SH2D4A: variants seen among roughly 807,000 people sequenced by gnomAD.
SH2D4A encodes the protein SH2 domain-containing protein 4A.
A neutral mutation model predicts 64.7 loss-of-function variants in SH2D4A; 70 were observed. That is an observed-to-expected ratio of 1.08 (90% CI 0.89 to 1.32). The LOEUF is 1.32. Ranked by LOEUF, SH2D4A falls within the 40% of genes most tolerant of loss-of-function variation. The pLI, the probability that SH2D4A is intolerant of heterozygous loss-of-function variation, is 0.00. For synonymous variants in SH2D4A, 268 were observed against 200.7 expected (o/e 1.34, Z -2.83); for missense variants, 706 against 540.1 (o/e 1.31, Z -3.04).
intron 4 of SH2D4A, among the ~76,000 whole-genome samples, chr8:19,352,598 A>G (rs75582741): frequency 2.6e-5 from 4 of 152,210 alleles, no homozygotes; most frequent in African/African-American, 9.6e-5. Flanking sequence ...TGATGACCGT[A>G]GTGGCTGTTA....
chr8:19,383,791 T>G (rs1485343572), intron 8 of SH2D4A, among the ~76,000 whole-genome samples: 1 of 152,196 alleles, frequency 6.6e-6, no homozygotes, highest in Non-Finnish European at 1.5e-5. Context: ...TTGAATGCCC[T>G]AGTCTTTAAT....
At chr8:19,367,261 T>C (rs2139768) in intron 7 of SH2D4A, among the ~76,000 whole-genome samples, 35,005 of 152,170 alleles carry the variant, frequency 0.23, 4,846 homozygotes, top group Non-Finnish European at 0.32. Flanking sequence ...CCTTTTGACG[T>C]AGACCCAGTA....
chr8:19,382,572 A>C (rs908767049), intron 8 of SH2D4A, among the ~76,000 whole-genome samples: 2 of 152,144 alleles, frequency 1.3e-5, no homozygotes, highest in Non-Finnish European at 2.9e-5. Flanking sequence ...GACCATGTTT[A>C]AGGTAGGCTA....
intron 4 of SH2D4A, among the ~76,000 whole-genome samples, chr8:19,354,221 G>A (rs576504595): frequency 3.3e-5 from 5 of 151,788 alleles, no homozygotes; most frequent in South Asian, 2.1e-4. Flanking sequence ...GACGGGTCTC[G>A]AACTCCTGAC....
At chr8:19,319,793 T>C (rs1360113815) in intron 2 of SH2D4A, 65 bp downstream of exon 2, 1 of 1,452,562 alleles carries the variant, frequency 6.9e-7, no homozygotes, top group Admixed American at 2.8e-5. Context: ...GCTTTGACAA[T>C]TTCACACTAG....
chr8:19,360,537 C>A (rs7001652), intron 5 of SH2D4A, among the ~76,000 whole-genome samples: 4 of 152,128 alleles, frequency 2.6e-5, no homozygotes, highest in East Asian at 1.9e-4. Flanking sequence ...TCGCTTGAAC[C>A]TGGGAGGCAG....
In SH2D4A at chr8:19,345,411, G is replaced by A. The variant is rs571662288; in HGVS notation, c.513+10554G>A. On this transcript the variant is annotated intron_variant, in intron 4 of 9. Transcript: ENST00000265807. ...CTTATCACTACTAGCTGTCAAGAAG[G>A]GTTGCCATACCGTTTCAGCGAATAA... 1.1e-3 allele frequency among the ~76,000 whole-genome samples: 161 copies of A among 152,366 alleles called. 1 individual carries two copies. The highest frequency in any genetic ancestry group is 3.8e-3 in the African/African-American group (157 of 41,586).
At chr8:19,326,124 A>C (rs1457398330) in intron 2 of SH2D4A, among the ~76,000 whole-genome samples, 2 of 152,204 alleles carry the variant, frequency 1.3e-5, no homozygotes, top group East Asian at 3.8e-4. Context: ...ACTCATGCAG[A>C]ACGGTTTTGA....
At chr8:19,334,893 A>G (rs1361424071) in intron 4 of SH2D4A, 36 bp downstream of exon 4, 12 of 1,554,260 alleles carry the variant, frequency 7.7e-6, no homozygotes, top group Non-Finnish European at 1.0e-5. Flanking sequence ...GCGGAATTTC[A>G]TCATGGGGGA....
intron 6 of SH2D4A, among the ~76,000 whole-genome samples, chr8:19,362,886 CAA>C (rs1585183335): frequency 6.6e-6 from 1 of 152,144 alleles, no homozygotes; most frequent in East Asian, 1.9e-4. Context: ...AAAGTGTTTA[CAA>C]AGTCAACATC....
chr8:19,359,659 A>C (rs2052847777), intron 5 of SH2D4A, among the ~76,000 whole-genome samples: 1 of 152,018 alleles, frequency 6.6e-6, no homozygotes, highest in African/African-American at 2.4e-5. Flanking sequence ...GTTGGCAAAC[A>C]AAAGGAGCTT....
At chr8:19,393,604 G>A in intron 9 of SH2D4A, 63 bp downstream of exon 9, 2 of 1,508,928 alleles carry the variant, frequency 1.3e-6, no homozygotes, top group Non-Finnish European at 1.8e-6. Flanking sequence ...CTCTAACAAT[G>A]AATGACAATT....
In SH2D4A at chr8:19,313,823, G is replaced by C; in HGVS notation, c.-205G>C. ...ACCCTGCCCAGGGGCGCCCAGCACT[G>C]GTAGGTGCTGGGGGTGGGGCGAGGC... is the stretch of plus-strand genomic sequence containing the variant. On this transcript the variant is annotated splice_region_variant and 5_prime_UTR_variant, in exon 1 of 10. Transcript: ENST00000265807. The C allele has an allele frequency of 6.7e-7, 1 of 1,499,756 alleles. No homozygotes were observed. Among genetic ancestry groups the C allele is most frequent in the Non-Finnish European group, 8.8e-7 (1 of 1,130,310 alleles). The allele number at this position is 1,499,756 out of a possible 1,614,324, so 92.9% of individuals were successfully genotyped here.
chr8:19,363,824 T>C, intron 6 of SH2D4A: 1 of 524,706 alleles, frequency 1.9e-6, no homozygotes, highest in East Asian at 3.2e-5. Context: ...TCATCCCTTC[T>C]TCCTCCTCTT....
Position 19,319,478 on chromosome 8 carries a change from G to C in SH2D4A, c.-70G>C. The C allele has an allele frequency of 1.4e-6, 2 of 1,408,864 alleles. No homozygotes were observed. The allele number at this position is 1,408,864 out of a possible 1,614,324, so 87.3% of individuals were successfully genotyped here. On this transcript the variant is annotated 5_prime_UTR_variant, in exon 2 of 10. Coordinates refer to ENST00000265807, the MANE Select transcript of SH2D4A (RefSeq NM_022071.4). ...TGGAAACGCCCAAGTGCCAGCACAG[G>C]TGGAGGGACACCTGGAGGCCAGTTT...
chr8:19,352,191 T>G (rs1216586322), intron 4 of SH2D4A, among the ~76,000 whole-genome samples: 1 of 152,258 alleles, frequency 6.6e-6, no homozygotes, highest in African/African-American at 2.4e-5. Flanking sequence ...ACAGACAGAC[T>G]CTGGGGGAAG....
intron 2 of SH2D4A, 151 bp from the exon 3 acceptor site, chr8:19,332,804 A>G: frequency 1.8e-6 from 1 of 554,958 alleles, no homozygotes; most frequent in Non-Finnish European, 2.9e-6. Context: ...TGCTACCTAC[A>G]GATGTTCCTG....
chr8:19,319,716 A>G lies in SH2D4A; in HGVS notation c.169A>G (p.Arg57Gly). The change falls in exon 2 of 10, where the codon AGA becomes GGA. Residue 57 changes from arginine to glycine, a missense_variant. By Grantham distance (125) the Arg-to-Gly change is moderately radical (BLOSUM62 -2). Transcript: ENST00000265807. The stretch of plus-strand genomic sequence containing the variant: ...AAAGGAGTCCCTGCCAGTGAAACCC[A>G]GACCAAAGAAAGGTAAACTTATCCA... ...ERKESLPVKP[R>G]PKKENGKSVH... 6.3e-7 allele frequency: 1 copy of G among 1,584,514 alleles called. No individual in the cohort carries two copies. Among genetic ancestry groups the G allele is most frequent in the Admixed American group, 1.9e-5 (1 of 53,232 alleles).
intron 8 of SH2D4A, 59 bp downstream of exon 8, chr8:19,373,719 T>C: frequency 6.5e-7 from 1 of 1,531,752 alleles, no homozygotes; most frequent in Admixed American, 1.9e-5. Flanking sequence ...GCTGTGCTAA[T>C]CTACCAGGAA....
Sources: gnomAD v4.1 joint callset for allele counts (sites outside exome capture counted in the v4.1 genomes callset) on GRCh38, gnomAD v4.1.1 for gene constraint, MANE v1.5 for transcripts, NCBI Gene and HGNC (gene_info 2026-07-23, HGNC 2026-07-21) for gene names.